The following PACRG variants were observed in gnomAD, a reference collection of about 807,000 sequenced individuals.
PACRG encodes parkin coregulated gene protein.
In PACRG, 29 loss-of-function variants were observed where a neutral mutation model predicts 29.7. That is an observed-to-expected ratio of 0.98 (90% confidence interval 0.73 to 1.33). The LOEUF (loss-of-function observed/expected upper bound fraction) is 1.33. PACRG is among the 40% of genes most tolerant of loss of function. PACRG has a pLI of 0.00. For synonymous variants in PACRG, 116 were observed against 118.7 expected (o/e 0.98, Z 0.15); for missense variants, 279 against 316.2 (o/e 0.88, Z 0.89).
intron 2 of PACRG, among the ~76,000 whole-genome samples, chr6:162,989,138 G>T (rs1324399892): frequency 6.6e-6 from 1 of 152,126 alleles, no homozygotes; most frequent in African/African-American, 2.4e-5. Flanking sequence ...ATTTCAGGTG[G>T]AACATTGTTC....
chr6:163,175,791 C>A (rs1779324785), intron 4 of PACRG, among the ~76,000 whole-genome samples: 1 of 148,480 alleles, frequency 6.7e-6, no homozygotes, highest in Admixed American at 6.6e-5. Context: ...AGCTCTGCTT[C>A]TCAGGCTCAA....
intron 2 of PACRG, among the ~76,000 whole-genome samples, chr6:162,846,248 G>A (rs1273524452): frequency 1.3e-5 from 2 of 152,156 alleles, no homozygotes; most frequent in Middle Eastern, 3.2e-3. Context: ...GCTGGGAGCA[G>A]CCCCAGGGAG....
At chr6:163,127,285 T>C (rs1014162485) in intron 4 of PACRG, among the ~76,000 whole-genome samples, 1 of 152,272 alleles carries the variant, frequency 6.6e-6, no homozygotes, top group Non-Finnish European at 1.5e-5. Flanking sequence ...TTATGACATT[T>C]TGTCAAATTG....
chr6:162,901,735 T>C (rs547699138), intron 2 of PACRG, among the ~76,000 whole-genome samples: 34 of 152,340 alleles, frequency 2.2e-4, no homozygotes, highest in African/African-American at 7.0e-4. Flanking sequence ...AAACACTTTA[T>C]TTGTTAGATT....
chr6:162,860,786 G>A (rs376375900), intron 2 of PACRG, among the ~76,000 whole-genome samples: 18 of 152,128 alleles, frequency 1.2e-4, no homozygotes, highest in Non-Finnish European at 2.1e-4. Context: ...AGCAAGTTAC[G>A]GAGGCTTAGA....
At chr6:162,957,419 C>T in intron 2 of PACRG, 1 of 533,684 alleles carries the variant, frequency 1.9e-6, no homozygotes, top group South Asian at 2.1e-5. Flanking sequence ...GCACGGACCC[C>T]TCAAAGTCTG....
intron 4 of PACRG, among the ~76,000 whole-genome samples, chr6:163,191,379 T>C (rs1227636772): frequency 2.0e-5 from 3 of 152,238 alleles, no homozygotes; most frequent in South Asian, 2.1e-4. Context: ...TGATCTTCCC[T>C]TTCTCTGACC....
intron 4 of PACRG, among the ~76,000 whole-genome samples, chr6:163,216,432 A>C (rs1377329825): frequency 6.6e-6 from 1 of 152,226 alleles, no homozygotes; most frequent in Non-Finnish European, 1.5e-5. Context: ...TCTCAAGAGA[A>C]AAGGGGAAGA....
At chr6:162,960,593 G>A (rs953217060) in intron 2 of PACRG, among the ~76,000 whole-genome samples, 1 of 152,156 alleles carries the variant, frequency 6.6e-6, no homozygotes, top group Non-Finnish European at 1.5e-5. Flanking sequence ...AACTGATACT[G>A]CAGACTACTA....
intron 2 of PACRG, among the ~76,000 whole-genome samples, chr6:162,825,616 A>G (rs1361870029): frequency 6.6e-6 from 1 of 152,144 alleles, no homozygotes; most frequent in African/African-American, 2.4e-5. Context: ...GGTTTCTCTT[A>G]CTATCTTTAT....
chr6:163,104,008 A>G (rs1015807248), intron 4 of PACRG, among the ~76,000 whole-genome samples: 1 of 152,202 alleles, frequency 6.6e-6, no homozygotes, highest in Admixed American at 6.5e-5. Flanking sequence ...TTTCTAAGGT[A>G]ATTCTGATCA....
At chr6:162,933,601 C>CTTTTTTTTTTTTTT (rs71008119) in intron 2 of PACRG, among the ~76,000 whole-genome samples, 3 of 74,610 alleles carry the variant, frequency 4.0e-5, no homozygotes, top group African/African-American at 1.7e-4. Flanking sequence ...CTTTCTGTAT[C>CTTTTTTTTTTTTTT]TTTTTTTTTT....
chr6:162,896,453 G>A (rs1167058579), intron 2 of PACRG, among the ~76,000 whole-genome samples: 1 of 152,204 alleles, frequency 6.6e-6, no homozygotes, highest in Non-Finnish European at 1.5e-5. Context: ...GCATCCCACG[G>A]TGCTGGCAGC....
intron 4 of PACRG, among the ~76,000 whole-genome samples, chr6:163,133,489 C>A (rs73010724): frequency 0.12 from 18,753 of 152,150 alleles, 1,166 homozygotes; most frequent in African/African-American, 0.15. Flanking sequence ...AGAAGTAGAT[C>A]ATTTGTGGGG....
chr6:163,083,818 G>C (rs551443842), intron 3 of PACRG, among the ~76,000 whole-genome samples: 29 of 151,840 alleles, frequency 1.9e-4, no homozygotes, highest in African/African-American at 6.8e-4. Flanking sequence ...GGTGTTTCTT[G>C]TTTTAAAAGA....
chr6:163,177,464 C>G (rs1000438783), intron 4 of PACRG, among the ~76,000 whole-genome samples: 9 of 151,924 alleles, frequency 5.9e-5, no homozygotes, highest in Non-Finnish European at 1.3e-4. Context: ...TTTTCAGAAC[C>G]AGGGTCTGAG....
At chr6:163,176,085 G>T (rs1329023230) in intron 4 of PACRG, among the ~76,000 whole-genome samples, 1 of 152,180 alleles carries the variant, frequency 6.6e-6, no homozygotes, top group African/African-American at 2.4e-5. Flanking sequence ...AAGAGCAATT[G>T]TAAGATGTCA....
At chr6:163,150,732 G>C (rs575224031) in intron 4 of PACRG, among the ~76,000 whole-genome samples, 3 of 152,244 alleles carry the variant, frequency 2.0e-5, no homozygotes, top group Admixed American at 6.5e-5. Context: ...ACCCCGCTTG[G>C]TAGTGACTGC....
chr6:162,986,604 A>C (rs191610242), intron 2 of PACRG, among the ~76,000 whole-genome samples: 1 of 152,272 alleles, frequency 6.6e-6, no homozygotes. Context: ...AAACCATAAA[A>C]ATTCTAGAAG....
Sources: allele counts gnomAD v4.1 joint callset (sites outside exome capture counted in the v4.1 genomes callset), GRCh38; gene constraint gnomAD v4.1.1; transcripts MANE v1.5; gene names NCBI Gene and HGNC (gene_info 2026-07-23, HGNC 2026-07-21).